Variants in WDFY3 observed in about 807,000 individuals in gnomAD.
WDFY3 encodes the protein WD repeat and FYVE domain containing 3.
Under a neutral mutation model 409.6 loss-of-function variants are expected in WDFY3, and 66 were observed. The observed-to-expected ratio is 0.16, with a 90% CI of 0.13 to 0.20. WDFY3 has a LOEUF of 0.20. Among genes scored for constraint, WDFY3 ranks in the 10% least tolerant of loss-of-function variants. The probability of loss-of-function intolerance (pLI) is 1.00; values close to 1 mark genes in which losing one functional copy is unlikely to be tolerated. For synonymous variants in WDFY3, 1,521 were observed against 1,537.1 expected (o/e 0.99, Z 0.25); for missense variants, 3,031 against 4,298.1 (o/e 0.71, Z 8.24).
intron 46 of WDFY3, among the ~76,000 whole-genome samples, chr4:84,723,025 C>A (rs554056497): frequency 8.9e-4 from 136 of 152,288 alleles, no homozygotes; most frequent in Admixed American, 1.4e-3. Flanking sequence ...GCGCTTTTAG[C>A]TCAATTAGAG....
At chr4:84,692,528 G>A (rs1316280636) in intron 59 of WDFY3, among the ~76,000 whole-genome samples, 1 of 151,526 alleles carries the variant, frequency 6.6e-6, no homozygotes, top group East Asian at 1.9e-4. Context: ...CTAATATATC[G>A]GATAGGCAGA....
In WDFY3 at chr4:84,875,217, G is replaced by A. The variant is rs1189088366; in HGVS notation, c.-31-14595C>T. On this transcript the variant is annotated intron_variant, in intron 3 of 67. Coordinates refer to ENST00000295888, the MANE Select transcript of WDFY3 (RefSeq NM_014991.6). Reference sequence around the variant, plus strand: ...CAGGAGGTGGAAGTTGCAGTTAGCCGAGATCACGCCACTGCACTCCAGCCT... The same window carrying A: ...CAGGAGGTGGAAGTTGCAGTTAGCCAAGATCACGCCACTGCACTCCAGCCT... Among the ~76,000 whole-genome samples, 4 of 151,322 alleles carry A rather than the reference G, an allele frequency of 2.6e-5. No homozygotes were observed. The East Asian group carries it at 7.8e-4, about 29-fold the overall frequency.
chr4:84,893,887 G>A (rs1461088077), intron 3 of WDFY3, among the ~76,000 whole-genome samples: 4 of 152,110 alleles, frequency 2.6e-5, no homozygotes, highest in Non-Finnish European at 4.4e-5. Context: ...CTACTCAGGA[G>A]GCTGAGGCAG....
chr4:84,757,090 G>A lies in WDFY3; in HGVS notation c.5260C>T (p.Pro1754Ser). ...AATGACTGAAGGACTGGAAAACCAG[G>A]AAAATGACAAGCATCTCGGTTAATC... ...REINRDACHF[P>S]GFPVLQSFLP... The change falls in exon 33 of 68, where the codon CCT becomes TCT. Residue 1754 changes from proline (P) to serine (S), a missense_variant. Physicochemically the swap from Pro to Ser is moderately conservative, Grantham distance 74 (BLOSUM62 -1). Coordinates refer to ENST00000295888, the MANE Select transcript of WDFY3 (RefSeq NM_014991.6). 6.2e-7 allele frequency: 1 copy of A among 1,614,070 alleles called. No homozygotes were observed. Among genetic ancestry groups the A allele is most frequent in the Non-Finnish European group, 8.5e-7 (1 of 1,179,970 alleles).
chr4:84,738,169 C>G (rs1335884465), intron 40 of WDFY3, among the ~76,000 whole-genome samples: 1 of 152,102 alleles, frequency 6.6e-6, no homozygotes, highest in African/African-American at 2.4e-5. Flanking sequence ...AACTATCGCA[C>G]AGTATTTCTG....
intron 33 of WDFY3, among the ~76,000 whole-genome samples, chr4:84,756,227 C>G (rs749561974): frequency 2.6e-5 from 4 of 152,220 alleles, no homozygotes; most frequent in East Asian, 1.9e-4. Flanking sequence ...CATACCCACT[C>G]GAGGAGTGAT....
Position 84,672,652 on chromosome 4 carries a change from C to T in WDFY3, c.*216G>A. On this transcript the variant is annotated 3_prime_UTR_variant, in exon 68 of 68. Transcript: ENST00000295888. The stretch of plus-strand genomic sequence containing the variant: ...TCGAAAGTGTTGCTCCTAGGAACCA[C>T]CTCATATTCTTCTTGTGCTGTTCAC... The T allele has an allele frequency of 4.4e-6, 2 of 455,628 alleles. No individual in the cohort carries two copies. The highest frequency in any genetic ancestry group is 7.4e-6 in the Non-Finnish European group (2 of 271,868). The allele number at this position is 455,628 out of a possible 1,614,324, so 28.2% of individuals were successfully genotyped here.
At chr4:84,759,023 G>A (rs1205640440) in intron 32 of WDFY3, among the ~76,000 whole-genome samples, 3 of 152,120 alleles carry the variant, frequency 2.0e-5, no homozygotes, top group South Asian at 2.1e-4. Flanking sequence ...TCTACATATG[G>A]CTAGGCAGTT....
chr4:84,869,575 T>C (rs1761891740), intron 3 of WDFY3, among the ~76,000 whole-genome samples: 1 of 152,102 alleles, frequency 6.6e-6, no homozygotes, highest in South Asian at 2.1e-4. Flanking sequence ...AAGATGTCCA[T>C]GTAAAGAAAC....
intron 5 of WDFY3, among the ~76,000 whole-genome samples, chr4:84,848,129 T>C (rs987022433): frequency 5.9e-5 from 9 of 151,808 alleles, no homozygotes; most frequent in African/African-American, 2.2e-4. Flanking sequence ...AATTAAAGGA[T>C]ATGAATAACC....
intron 37 of WDFY3, 58 bp downstream of exon 37, chr4:84,743,641 TG>T: frequency 7.4e-7 from 1 of 1,349,296 alleles, no homozygotes; most frequent in Middle Eastern, 2.0e-4. Flanking sequence ...TAGTTTTACT[TG>T]GGGCTTAGAG....
chr4:84,937,109 T>C lies in WDFY3; in HGVS notation c.-225-4746A>G, dbSNP rs561094296. ...ACATCACAAGCTTGTACTCCTTGTC[T>C]ACAATTATACTTCCATTCAAATTTA... On this transcript the variant is annotated intron_variant, in intron 1 of 67. Transcript: ENST00000295888. Among the ~76,000 whole-genome samples, 3 of 152,168 alleles carry C rather than the reference T, an allele frequency of 2.0e-5. No individual in the cohort carries two copies. The South Asian group carries it at 6.2e-4, about 32-fold the overall frequency.
At chr4:84,822,173 G>C (rs1337240953) in intron 10 of WDFY3, among the ~76,000 whole-genome samples, 1 of 152,088 alleles carries the variant, frequency 6.6e-6, no homozygotes, top group African/African-American at 2.4e-5. Flanking sequence ...TTTATACATG[G>C]CTCTGGTGAG....
chr4:84,691,865 AT>A, intron 59 of WDFY3, 80 bp from the exon 60 acceptor site: 1 of 1,328,258 alleles, frequency 7.5e-7, no homozygotes, highest in East Asian at 2.4e-5. Flanking sequence ...ATAATTTCAA[AT>A]ATTCATATAA....
intron 53 of WDFY3, among the ~76,000 whole-genome samples, chr4:84,706,657 G>GGGGGCACC (rs1732002065): frequency 6.6e-6 from 1 of 152,116 alleles, no homozygotes; most frequent in Non-Finnish European, 1.5e-5. Context: ...TCACCGGGCT[G>GGGGGCACC]GTACTTGAGT....
At chr4:84,963,932 C>A (rs1243636823) in intron 1 of WDFY3, among the ~76,000 whole-genome samples, 2 of 152,158 alleles carry the variant, frequency 1.3e-5, no homozygotes, top group African/African-American at 4.8e-5. Context: ...ACAAACATTT[C>A]TTGGGCATAA....
At chr4:84,768,606 C>T (rs1431484910) in intron 30 of WDFY3, among the ~76,000 whole-genome samples, 1 of 152,130 alleles carries the variant, frequency 6.6e-6, no homozygotes, top group African/African-American at 2.4e-5. Flanking sequence ...CTGTTCAGAC[C>T]TACTGCTCAG....
intron 3 of WDFY3, among the ~76,000 whole-genome samples, chr4:84,870,974 TG>T (rs1762057568): frequency 6.6e-6 from 1 of 151,508 alleles, no homozygotes; most frequent in Non-Finnish European, 1.5e-5. Context: ...TGGATACTGC[TG>T]AGGAAAGAGT....
chr4:84,939,562 C>G (rs953863257), intron 1 of WDFY3, among the ~76,000 whole-genome samples: 1 of 151,964 alleles, frequency 6.6e-6, no homozygotes, highest in East Asian at 1.9e-4. Context: ...GAAGAAAGAG[C>G]CTTCCTTTCT....
Sources: allele counts gnomAD v4.1 joint callset (sites outside exome capture counted in the v4.1 genomes callset), GRCh38; gene constraint gnomAD v4.1.1; transcripts MANE v1.5; gene names NCBI Gene and HGNC (gene_info 2026-07-23, HGNC 2026-07-21).